THOC5: variants seen among roughly 807,000 people sequenced by gnomAD.
THOC5 encodes Fms-interacting protein.
Under a neutral mutation model 92.9 loss-of-function variants are expected in THOC5, and 43 were observed. The observed-to-expected ratio is 0.46, with a 90% CI of 0.36 to 0.60. The LOEUF is 0.60. Among genes scored for constraint, THOC5 ranks in the 20% least tolerant of loss-of-function variants. The pLI is 0.00. For synonymous variants in THOC5, 296 were observed against 320.1 expected (o/e 0.92, Z 0.80); for missense variants, 659 against 849.4 (o/e 0.78, Z 2.79).
At chr22:29,537,215 G>A (rs2063776720) in intron 6 of THOC5, among the ~76,000 whole-genome samples, 1 of 152,260 alleles carries the variant, frequency 6.6e-6, no homozygotes, top group South Asian at 2.1e-4. Context: ...AGCACAGGGT[G>A]GGAACAGATT....
chr22:29,519,191 G>C, intron 14 of THOC5, 71 bp from the exon 15 acceptor site: 3 of 1,040,632 alleles, frequency 2.9e-6, no homozygotes, highest in Non-Finnish European at 4.3e-6. Flanking sequence ...CTCTCTCCTG[G>C]GACCTGCCTG....
rs553405395 is a variant in THOC5 at position 29,519,780 on chromosome 22, G to A, written c.1374+228C>T. Among the ~76,000 whole-genome samples, 16 of 152,112 alleles carry A rather than the reference G, an allele frequency of 1.1e-4. No individual in the cohort carries two copies. The South Asian group carries it at 2.5e-3, about 24-fold the overall frequency. On this transcript the variant is annotated intron_variant, in intron 14 of 19. Coordinates refer to ENST00000490103, the MANE Select transcript of THOC5 (RefSeq NM_003678.5). ...CCTGAATAGCTGGGATTATAGGAAC[G>A]TGCCACCACACCCAGCTAATTTTTT...
At chr22:29,545,191 A>T in intron 2 of THOC5, 1 of 283,108 alleles carries the variant, frequency 3.5e-6, no homozygotes, top group South Asian at 2.9e-5. Context: ...AGATGTCGTG[A>T]GACTTATTCA....
At chr22:29,527,234 A>G (rs1216316281) in intron 11 of THOC5, among the ~76,000 whole-genome samples, 1 of 152,186 alleles carries the variant, frequency 6.6e-6, no homozygotes, top group Non-Finnish European at 1.5e-5. Flanking sequence ...AGCCTGGGCA[A>G]CATGACAAAA....
intron 5 of THOC5, 58 bp downstream of exon 5, chr22:29,542,801 G>T: frequency 1.7e-6 from 2 of 1,179,020 alleles, no homozygotes; most frequent in South Asian, 1.3e-5. Flanking sequence ...TGAGCTACAT[G>T]GGAAAAAGCA....
chr22:29,525,696 TC>T, intron 12 of THOC5, 141 bp downstream of exon 12: 2 of 567,542 alleles, frequency 3.5e-6, no homozygotes, highest in Non-Finnish European at 6.3e-6. Flanking sequence ...TGCCAGGACT[TC>T]TGGTCCATCT....
At position 29,508,274 on chromosome 22, in the gene THOC5, T is replaced by C; in HGVS notation, c.*183A>G. Reference sequence around the variant, plus strand: ...TTCACACTGTGTCACAGCTCCCACCTGCCCTTCCAGACTGCAAAGCCACCT... The same window carrying C: ...TTCACACTGTGTCACAGCTCCCACCCGCCCTTCCAGACTGCAAAGCCACCT... On this transcript the variant is annotated 3_prime_UTR_variant, in exon 20 of 20. Transcript: ENST00000490103. The C allele has an allele frequency of 1.6e-6, 1 of 616,850 alleles. No homozygotes were observed. Among genetic ancestry groups the C allele is most frequent in the East Asian group, 2.8e-5 (1 of 36,300 alleles). 38.2% of individuals were successfully genotyped at this position (616,850 alleles called of 1,614,324 possible).
intron 1 of THOC5, among the ~76,000 whole-genome samples, chr22:29,551,462 C>T (rs1433171656): frequency 6.6e-6 from 1 of 151,950 alleles, no homozygotes; most frequent in Non-Finnish European, 1.5e-5. Context: ...TGACTGGGCC[C>T]AACACCATGG....
intron 17 of THOC5, among the ~76,000 whole-genome samples, chr22:29,512,668 T>A (rs2063248184): frequency 1.3e-5 from 2 of 152,230 alleles, no homozygotes; most frequent in African/African-American, 4.8e-5. Context: ...TAGACACATT[T>A]TATTTCATCC....
chr22:29,531,735 G>A, intron 8 of THOC5, 96 bp downstream of exon 8: 1 of 1,524,736 alleles, frequency 6.6e-7, no homozygotes, highest in Non-Finnish European at 8.8e-7. Flanking sequence ...GGGCAGGACT[G>A]AGAAATTTCC....
At chr22:29,529,438 G>A (rs935966613) in intron 8 of THOC5, among the ~76,000 whole-genome samples, 199 bp from the exon 9 acceptor site, 2 of 152,298 alleles carry the variant, frequency 1.3e-5, no homozygotes, top group African/African-American at 4.8e-5. Flanking sequence ...CATTTACTGA[G>A]AACAGAGAAC....
At chr22:29,551,729 AAC>A (rs2064148869) in intron 1 of THOC5, among the ~76,000 whole-genome samples, 1 of 152,004 alleles carries the variant, frequency 6.6e-6, no homozygotes, top group South Asian at 2.1e-4. Flanking sequence ...CAGTCTTGAC[AAC>A]AGAGATCCCG....
At chr22:29,538,262 G>A (rs1016899961) in intron 6 of THOC5, among the ~76,000 whole-genome samples, 8 of 152,160 alleles carry the variant, frequency 5.3e-5, no homozygotes, top group Non-Finnish European at 8.8e-5. Flanking sequence ...GATTACAGAC[G>A]TGAGCCACCT....
At chr22:29,532,380 C>G (rs374669735) in intron 7 of THOC5, among the ~76,000 whole-genome samples, 2 of 152,146 alleles carry the variant, frequency 1.3e-5, no homozygotes. Context: ...TAAGAATAAA[C>G]AGGCCGGGCA....
In THOC5 at chr22:29,538,800, G is replaced by GAAAAAAA. The variant is rs1491105374; in HGVS notation, c.599+529_599+530insTTTTTTT. Among the ~76,000 whole-genome samples the GAAAAAAA allele has an allele frequency of 4.5e-4, 15 of 32,988 alleles. 7 individuals carry two copies. The highest frequency in any genetic ancestry group is 2.3e-4 in the Non-Finnish European group (4 of 17,442). 21.6% of individuals were successfully genotyped at this position (32,988 alleles called of 152,430 possible). On this transcript the variant is annotated intron_variant, in intron 6 of 19. Coordinates refer to ENST00000490103, the MANE Select transcript of THOC5 (RefSeq NM_003678.5). ...CAATAGAGTGAAACGCCATCTCTTTGGAAAAAAAAAAAAAAAAAAAAAAAA... is the reference window on the plus strand; with the variant it reads ...CAATAGAGTGAAACGCCATCTCTTTGAAAAAAAGAAAAAAAAAAAAAAAAAAAAAAAA...
At chr22:29,539,187 C>A in intron 6 of THOC5, 143 bp downstream of exon 6, 57 of 617,876 alleles carry the variant, frequency 9.2e-5, no homozygotes, top group Non-Finnish European at 1.1e-4. Flanking sequence ...GAAGTTTAAA[C>A]TATCCAGTGT....
intron 11 of THOC5, among the ~76,000 whole-genome samples, chr22:29,526,217 G>C (rs555813606): frequency 2.6e-5 from 4 of 152,230 alleles, no homozygotes; most frequent in Non-Finnish European, 4.4e-5. Context: ...AAAATTCAGA[G>C]ACTTTTACAA....
intron 9 of THOC5, 43 bp downstream of exon 9, chr22:29,529,119 T>G: frequency 3.8e-6 from 6 of 1,597,468 alleles, no homozygotes; most frequent in Non-Finnish European, 5.1e-6. Context: ...CCTTGGATGG[T>G]GACCTGGTGT....
intron 1 of THOC5, among the ~76,000 whole-genome samples, chr22:29,549,704 T>C (rs1045870634): frequency 4.6e-5 from 7 of 152,172 alleles, no homozygotes; most frequent in African/African-American, 1.7e-4. Flanking sequence ...CTTGATGGTT[T>C]GTCCCCAACC....
Sources: gnomAD v4.1 joint callset for allele counts (sites outside exome capture counted in the v4.1 genomes callset) on GRCh38, gnomAD v4.1.1 for gene constraint, MANE v1.5 for transcripts, NCBI Gene and HGNC (gene_info 2026-07-23, HGNC 2026-07-21) for gene names.